Variants in CREBBP observed in about 807,000 individuals in gnomAD.
CREBBP encodes CREB binding lysine acetyltransferase.
In CREBBP, 19 loss-of-function variants were observed where a neutral mutation model predicts 265.0. The ratio of observed to expected loss-of-function variants is 0.07; its 90% confidence interval spans 0.05 to 0.11. The LOEUF (loss-of-function observed/expected upper bound fraction) is 0.11. Among genes scored for constraint, CREBBP ranks in the 10% least tolerant of loss-of-function variants. The pLI, the probability that CREBBP is intolerant of heterozygous loss-of-function variation, is 1.00. For missense variants in CREBBP, 2,525 were observed against 3,219.0 expected, an observed-to-expected ratio of 0.78 and a Z score of 5.22; for synonymous variants, 1,457 against 1,223.7, an observed-to-expected ratio of 1.19 and a Z score of -3.98.
chr16:3,872,961 G>T (rs943189689), intron 1 of CREBBP, among the ~76,000 whole-genome samples: 2 of 152,262 alleles, frequency 1.3e-5, no homozygotes, highest in Non-Finnish European at 2.9e-5. Flanking sequence ...TCAGGAAACA[G>T]GGGAGGGAGT....
chr16:3,732,547 T>C (rs934724397), intron 28 of CREBBP, among the ~76,000 whole-genome samples: 7 of 152,186 alleles, frequency 4.6e-5, no homozygotes, highest in South Asian at 2.1e-4. Flanking sequence ...ACCACTCACT[T>C]ACACTTTAAC....
At chr16:3,806,822 CCCTT>C (rs1209484642) in intron 3 of CREBBP, among the ~76,000 whole-genome samples, 1 of 152,130 alleles carries the variant, frequency 6.6e-6, no homozygotes, top group Admixed American at 6.5e-5. Flanking sequence ...ACGCCCTGCT[CCCTT>C]CCCTCATGGT....
At chr16:3,844,929 C>A (rs939134266) in intron 2 of CREBBP, among the ~76,000 whole-genome samples, 1 of 152,014 alleles carries the variant, frequency 6.6e-6, no homozygotes, top group Non-Finnish European at 1.5e-5. Context: ...TGCTTCCAAG[C>A]AACATAAGAC....
Position 3,727,620 on chromosome 16 carries a change from T to C in CREBBP, c.*98A>G, listed in dbSNP as rs950988032. ...AATCCACCCTTCCATGGCTCGGAAGTCGCAGTTCCATCTAGGAATAAAAAG... is the reference window on the plus strand; with the variant it reads ...AATCCACCCTTCCATGGCTCGGAAGCCGCAGTTCCATCTAGGAATAAAAAG... On this transcript the variant is annotated 3_prime_UTR_variant, in exon 31 of 31. Transcript: ENST00000262367. 2 of 1,604,186 alleles carry C rather than the reference T, an allele frequency of 1.2e-6. No homozygotes were observed. The highest frequency in any genetic ancestry group is 2.7e-5 in the African/African-American group (2 of 74,440).
At chr16:3,766,557 C>G (rs1194148752) in intron 16 of CREBBP, among the ~76,000 whole-genome samples, 1 of 151,098 alleles carries the variant, frequency 6.6e-6, no homozygotes, top group South Asian at 2.1e-4. Flanking sequence ...AACAATCTCA[C>G]TTTTGTCTCC....
At chr16:3,797,125 A>G (rs929823397) in intron 3 of CREBBP, among the ~76,000 whole-genome samples, 3 of 152,220 alleles carry the variant, frequency 2.0e-5, no homozygotes, top group Non-Finnish European at 4.4e-5. Context: ...TCCCACTGGC[A>G]GGCAGGCACT....
intron 16 of CREBBP, among the ~76,000 whole-genome samples, chr16:3,760,439 G>A (rs886337496): frequency 9.1e-6 from 1 of 109,616 alleles, no homozygotes; most frequent in Non-Finnish European, 1.7e-5. Flanking sequence ...GTCTTGCTCT[G>A]TCACCCAGGC....
At chr16:3,879,761 C>T in intron 1 of CREBBP, 71 bp downstream of exon 1, 9 of 1,484,214 alleles carry the variant, frequency 6.1e-6, no homozygotes, top group South Asian at 1.2e-5. Context: ...GACCACGACC[C>T]CCGGACGCTC....
intron 1 of CREBBP, among the ~76,000 whole-genome samples, chr16:3,875,631 TG>T (rs1218141489): frequency 6.6e-6 from 1 of 152,242 alleles, no homozygotes; most frequent in Non-Finnish European, 1.5e-5. Flanking sequence ...GGCAGGTTCC[TG>T]GGTCGATTCA....
At chr16:3,759,716 AAT>A (rs2052668912) in intron 16 of CREBBP, among the ~76,000 whole-genome samples, 1 of 152,172 alleles carries the variant, frequency 6.6e-6, no homozygotes, top group African/African-American at 2.4e-5. Context: ...TGTAAACAGT[AAT>A]AGAGCTACAA....
intron 26 of CREBBP, 57 bp downstream of exon 26, chr16:3,738,502 C>T: frequency 9.8e-7 from 1 of 1,021,974 alleles, no homozygotes; most frequent in Non-Finnish European, 1.5e-6. Context: ...ACGGAATAAA[C>T]ATACAGTAAA....
At chr16:3,771,027 G>T (rs191895645) in intron 13 of CREBBP, 41 bp from the exon 14 acceptor site, 2 of 1,604,072 alleles carry the variant, frequency 1.2e-6, no homozygotes, top group Non-Finnish European at 8.5e-7. Flanking sequence ...TATTTCCCCC[G>T]TTTGAAAATG....
intron 24 of CREBBP, 114 bp from the exon 25 acceptor site, chr16:3,739,838 A>G: frequency 1.4e-6 from 2 of 1,441,838 alleles, no homozygotes; most frequent in Admixed American, 1.7e-5. Context: ...AGGCATGGCC[A>G]CCTCCTCAGA....
chr16:3,848,570 AT>A (rs2054717176), intron 2 of CREBBP, among the ~76,000 whole-genome samples: 1 of 152,182 alleles, frequency 6.6e-6, no homozygotes, highest in South Asian at 2.1e-4. Flanking sequence ...TATACTGCAC[AT>A]GTTAAAGAAA....
chr16:3,781,186 T>A lies in CREBBP; in HGVS notation c.1676+18A>T, dbSNP rs130018. ...TGCTCCTGTTGGACTGTCACTCAGATCTGAAACAGGGTCTTACTTTGTGGC... is the reference window on the plus strand; with the variant it reads ...TGCTCCTGTTGGACTGTCACTCAGAACTGAAACAGGGTCTTACTTTGTGGC... On this transcript the variant is annotated intron_variant, in intron 7 of 30. Coordinates refer to ENST00000262367, the MANE Select transcript of CREBBP (RefSeq NM_004380.3). 0.023 allele frequency: 36,525 copies of A among 1,603,678 alleles called. 2,360 individuals carry two copies. The African/African-American group carries it at 0.24, about 10-fold the overall frequency.
chr16:3,733,434 G>A (rs904020249), intron 28 of CREBBP, among the ~76,000 whole-genome samples: 7 of 151,488 alleles, frequency 4.6e-5, no homozygotes, highest in African/African-American at 9.7e-5. Flanking sequence ...TGGGTCCTCC[G>A]CAGGATTCAG....
intron 2 of CREBBP, chr16:3,841,068 A>C (rs1169183697): frequency 6.4e-6 from 1 of 155,480 alleles, no homozygotes; most frequent in Admixed American, 6.5e-5. Flanking sequence ...CAGGTTGAGA[A>C]AGCTACCTTA....
At chr16:3,777,365 GAAATAAAT>G (rs145673583) in intron 11 of CREBBP, among the ~76,000 whole-genome samples, 12 of 151,692 alleles carry the variant, frequency 7.9e-5, no homozygotes, top group South Asian at 4.1e-4. Flanking sequence ...AAATAAAATA[GAAATAAAT>G]AAATAAATAA....
intron 2 of CREBBP, among the ~76,000 whole-genome samples, chr16:3,837,290 T>C (rs1197573237): frequency 6.6e-6 from 1 of 152,196 alleles, no homozygotes; most frequent in East Asian, 1.9e-4. Context: ...TGTGTACATT[T>C]ATGTTTTAGC....
Sources: allele counts gnomAD v4.1 joint callset (sites outside exome capture counted in the v4.1 genomes callset), GRCh38; gene constraint gnomAD v4.1.1; transcripts MANE v1.5; gene names NCBI Gene and HGNC (gene_info 2026-07-23, HGNC 2026-07-21).